Variants in ACAD9 observed in about 807,000 individuals in gnomAD.
ACAD9 encodes the protein complex I assembly factor ACAD9, mitochondrial.
Under a neutral mutation model 70.2 loss-of-function variants are expected in ACAD9, and 53 were observed. The ratio of observed to expected loss-of-function variants is 0.75; its 90% CI spans 0.61 to 0.95. The LOEUF (loss-of-function observed/expected upper bound fraction) is 0.95. ACAD9 is among the 40% of genes least tolerant of loss of function. The pLI, the probability that ACAD9 is intolerant of heterozygous loss-of-function variation, is 0.00. For missense variants in ACAD9, 777 were observed against 802.8 expected, an observed-to-expected ratio of 0.97 and a Z score of 0.39; for synonymous variants, 313 against 312.1, an observed-to-expected ratio of 1.00 and a Z score of -0.03.
chr3:128,896,282 C>T (rs1001584662), intron 4 of ACAD9, among the ~76,000 whole-genome samples, 154 bp from the exon 5 acceptor site: 2 of 152,252 alleles, frequency 1.3e-5, no homozygotes, highest in Non-Finnish European at 2.9e-5. Flanking sequence ...AGCAGCTTGG[C>T]TCCCTGGGCT....
chr3:128,882,888 T>C (rs1353112817), intron 1 of ACAD9, among the ~76,000 whole-genome samples: 1 of 152,182 alleles, frequency 6.6e-6, no homozygotes, highest in African/African-American at 2.4e-5. Flanking sequence ...GTGTGGCAGG[T>C]TTTCTGTGGT....
At chr3:128,905,933 G>C (rs974472546) in intron 11 of ACAD9, among the ~76,000 whole-genome samples, 188 bp from the exon 12 acceptor site, 12 of 152,164 alleles carry the variant, frequency 7.9e-5, no homozygotes, top group African/African-American at 2.7e-4. Context: ...AGAAGGTCAT[G>C]GTGGGGTAGG....
rs202183844 is a variant in ACAD9 at position 128,910,071 on chromosome 3, C to T, written c.1614C>T (p.Ile538=). ...LVLKRVANIL[I]NLYGMTAVLS... ...TGAAGCGGGTGGCCAACATCCTCAT[C>T]AACCTGTATGGCATGACGGCCGTGC... Residue 538 remains isoleucine (I), a synonymous_variant, in exon 16 of 18, where the codon ATC becomes ATT. Coordinates refer to ENST00000308982, the MANE Select transcript of ACAD9 (RefSeq NM_014049.5). 22 of 1,614,056 alleles carry T rather than the reference C, an allele frequency of 1.4e-5. No individual in the cohort carries two copies. The highest frequency in any genetic ancestry group is 1.9e-5 in the Non-Finnish European group (22 of 1,180,018).
At chr3:128,880,150 C>T in intron 1 of ACAD9, 5 of 763,476 alleles carry the variant, frequency 6.5e-6, no homozygotes, top group Non-Finnish European at 9.6e-6. Flanking sequence ...CTGGTCTGGT[C>T]TGGAAATGTG....
At chr3:128,899,158 G>C in intron 6 of ACAD9, 129 bp from the exon 7 acceptor site, 1 of 917,242 alleles carries the variant, frequency 1.1e-6, no homozygotes, top group Non-Finnish European at 1.7e-6. Context: ...GTTGGCTTCT[G>C]CAGAGCCAAG....
intron 6 of ACAD9, chr3:128,898,643 G>A (rs1443685881): frequency 1.4e-5 from 4 of 294,186 alleles, no homozygotes; most frequent in African/African-American, 4.7e-5. Flanking sequence ...CAAGTGGTCT[G>A]CCCACCTCGG....
intron 5 of ACAD9, among the ~76,000 whole-genome samples, chr3:128,896,946 G>C (rs1264013270): frequency 6.6e-6 from 1 of 152,134 alleles, no homozygotes. Context: ...TCGGGACTCT[G>C]ATGATAAGTC....
intron 6 of ACAD9, 122 bp downstream of exon 6, chr3:128,897,832 C>G (rs1235998346): frequency 2.2e-6 from 2 of 917,288 alleles, no homozygotes; most frequent in East Asian, 5.3e-5. Context: ...CCTTCTTGAG[C>G]TGCTTTTATG....
intron 1 of ACAD9, 81 bp downstream of exon 1, chr3:128,879,922 G>A (rs1271493169): frequency 6.2e-7 from 1 of 1,607,320 alleles, no homozygotes; most frequent in Non-Finnish European, 8.5e-7. Flanking sequence ...TGAACTTTGT[G>A]AGATTCCCCA....
chr3:128,908,916 T>A (rs1307262339), intron 13 of ACAD9, 57 bp from the exon 14 acceptor site: 2 of 1,613,326 alleles, frequency 1.2e-6, no homozygotes, highest in African/African-American at 2.7e-5. Context: ...GCCATGTTGC[T>A]GGACAGTGAG....
rs775948534 is a variant in ACAD9, at chr3:128,906,158, A to G, written c.1187A>G (p.Glu396Gly). 1 of 1,614,188 alleles carries G rather than the reference A, an allele frequency of 6.2e-7. No homozygotes were observed. The highest frequency in any genetic ancestry group is 8.5e-7 in the Non-Finnish European group (1 of 1,180,030). The change falls in exon 12 of 18, where the codon GAG becomes GGG. Residue 396 changes from glutamate to glycine, a missense_variant. Physicochemically the swap from Glu to Gly is moderately conservative, Grantham distance 98 (BLOSUM62 -2). Coordinates refer to ENST00000308982, the MANE Select transcript of ACAD9 (RefSeq NM_014049.5). ...GAGGCCGCCTGGCAGTGTGTGAGTG[A>G]GGCGCTGCAGATCCTCGGGGGCTTG... ...SSEAAWQCVS[E>G]ALQILGGLGY...
At chr3:128,892,595 A>G (rs1935456046) in intron 2 of ACAD9, among the ~76,000 whole-genome samples, 1 of 152,224 alleles carries the variant, frequency 6.6e-6, no homozygotes, top group South Asian at 2.1e-4. Context: ...CAGTGGTGCC[A>G]TCAGAGCTTA....
chr3:128,909,511 AC>A, intron 15 of ACAD9, 90 bp downstream of exon 15: 2 of 1,354,186 alleles, frequency 1.5e-6, no homozygotes, highest in Non-Finnish European at 2.1e-6. Context: ...ATCCTTTGGG[AC>A]CAGGCCTAGA....
chr3:128,899,403 C>A lies in ACAD9; in HGVS notation c.750C>A (p.Asp250Glu), dbSNP rs1324519914. 6.2e-7 allele frequency: 1 copy of A among 1,614,232 alleles called. No homozygotes were observed. Among genetic ancestry groups the A allele is most frequent in the East Asian group, 2.2e-5 (1 of 44,892 alleles). ...DKITAFIVER[D>E]FGGVTNGKPE... ...TCACAGCATTCATAGTAGAAAGAGA[C>A]TTTGGTGGAGTCACTAATGGGAAAC... The change falls in exon 7 of 18, where the codon GAC becomes GAA. Residue 250 changes from aspartate (D) to glutamate (E), a missense_variant. Physicochemically the swap from Asp to Glu is conservative, Grantham distance 45. Coordinates refer to ENST00000308982, the MANE Select transcript of ACAD9 (RefSeq NM_014049.5).
At chr3:128,899,527 T>TGTGTGTG (rs1935677118) in intron 7 of ACAD9, 66 bp downstream of exon 7, 2 of 846,932 alleles carry the variant, frequency 2.4e-6, no homozygotes, top group African/African-American at 1.8e-5. Context: ...TTTGACGGTG[T>TGTGTGTG]GTGTGTGTGT....
chr3:128,880,592 G>A (rs1420897579), intron 1 of ACAD9, among the ~76,000 whole-genome samples: 1 of 150,936 alleles, frequency 6.6e-6, no homozygotes, highest in East Asian at 2.0e-4. Context: ...GTTTCACCAT[G>A]TTGGCCAAGC....
chr3:128,896,631 T>C, intron 5 of ACAD9, 95 bp downstream of exon 5: 1 of 1,223,904 alleles, frequency 8.2e-7, no homozygotes, highest in Non-Finnish European at 1.2e-6. Flanking sequence ...AGTAGCTGAC[T>C]TTTCCTTCTT....
At chr3:128,907,463 G>A (rs886930625) in intron 12 of ACAD9, among the ~76,000 whole-genome samples, 7 of 152,174 alleles carry the variant, frequency 4.6e-5, no homozygotes, top group Non-Finnish European at 1.0e-4. Flanking sequence ...CAGGGCTCTC[G>A]ATGTAGGGTG....
intron 13 of ACAD9, 99 bp downstream of exon 13, chr3:128,908,363 G>C (rs1935968337): frequency 1.4e-6 from 2 of 1,380,694 alleles, no homozygotes; most frequent in Non-Finnish European, 2.0e-6. Flanking sequence ...GACCTGGAGT[G>C]GGGGCATGGG....
Sources: allele counts gnomAD v4.1 joint callset (sites outside exome capture counted in the v4.1 genomes callset), GRCh38; gene constraint gnomAD v4.1.1; transcripts MANE v1.5; gene names NCBI Gene and HGNC (gene_info 2026-07-23, HGNC 2026-07-21).